The following RPS29 variants were observed in gnomAD, a reference collection of about 807,000 sequenced individuals.
RPS29 encodes the protein ribosomal protein S29.
For missense variants in RPS29, 60 were observed against 75.7 expected (o/e 0.79, Z 0.77); for synonymous variants, 37 against 26.9 (o/e 1.37, Z -1.16).
exon 3 of RPS29, chr14:49,574,720 T>A (rs1490861539): frequency 6.6e-6 from 1 of 152,254 alleles, no homozygotes; most frequent in Non-Finnish European, 1.5e-5. Flanking sequence ...ATCAAGGTTT[T>A]ACAATAAACC....
At chr14:49,583,459 T>TCC, downstream of RPS29, 3 of 443,316 alleles carry the variant, frequency 6.8e-6, no homozygotes. Flanking sequence ...TGAGCCGAGA[T>TCC]CGCGCCACTG....
At chr14:49,576,581 C>T (rs574566247) in exon 3 of RPS29, 1 of 152,176 alleles carries the variant, frequency 6.6e-6, no homozygotes, top group South Asian at 2.1e-4. Context: ...TGCAAGCAGG[C>T]TGCTTTAAAA....
intron 2 of RPS29, among the ~76,000 whole-genome samples, chr14:49,578,559 C>CATTTTTTTTTTTT (rs747208657): frequency 1.9e-5 from 2 of 103,464 alleles, no homozygotes; most frequent in African/African-American, 3.8e-5. Flanking sequence ...AAAGCTTTCA[C>CATTTTTTTTTTTT]TTTTTTTTTT....
At chr14:49,588,815 C>T (rs886237990), upstream of RPS29, among the ~76,000 whole-genome samples, 5 of 151,242 alleles carry the variant, frequency 3.3e-5, no homozygotes, top group Non-Finnish European at 7.4e-5. Context: ...AGGAGTGAGC[C>T]ACCACGCCCG....
At chr14:49,590,290 A>G (rs547141411), upstream of RPS29, among the ~76,000 whole-genome samples, 1 of 151,938 alleles carries the variant, frequency 6.6e-6, no homozygotes, top group African/African-American at 2.4e-5. Flanking sequence ...AACCTGGCCA[A>G]TATGGTGAAA....
downstream of RPS29, among the ~76,000 whole-genome samples, chr14:49,578,940 C>A (rs1881263322): frequency 6.6e-6 from 1 of 152,178 alleles, no homozygotes; most frequent in Admixed American, 6.5e-5. Context: ...ATCTCTCTTA[C>A]TAGCTATACA....
downstream of RPS29, among the ~76,000 whole-genome samples, chr14:49,579,431 G>T (rs138883495): frequency 8.3e-3 from 1,259 of 152,318 alleles, 16 homozygotes; most frequent in African/African-American, 0.029. Flanking sequence ...TGCCAGAGTG[G>T]TGGCTCACAC....
downstream of RPS29, among the ~76,000 whole-genome samples, chr14:49,581,343 T>C (rs902728245): frequency 1.3e-5 from 2 of 152,212 alleles, no homozygotes; most frequent in South Asian, 2.1e-4. Flanking sequence ...CACAATACAG[T>C]TGATCACTCA....
chr14:49,591,258 C>T (rs866974282), upstream of RPS29, among the ~76,000 whole-genome samples: 3 of 151,600 alleles, frequency 2.0e-5, no homozygotes, highest in African/African-American at 7.3e-5. Flanking sequence ...CCTGTCCAAA[C>T]CAACAAGTTA....
exon 3 of RPS29, chr14:49,571,150 CTTTATT>C (rs1438059097): frequency 2.6e-5 from 4 of 152,122 alleles, no homozygotes; most frequent in South Asian, 2.1e-4. Context: ...TGCACTGTAA[CTTTATT>C]TTTAAGAGTA....
At chr14:49,579,908 A>C (rs1474501098), downstream of RPS29, among the ~76,000 whole-genome samples, 1 of 152,196 alleles carries the variant, frequency 6.6e-6, no homozygotes, top group East Asian at 1.9e-4. Context: ...TGGGGAAATT[A>C]CTTAATCTCT....
At chr14:49,584,240 G>A (rs1447635873) in intron 2 of RPS29, among the ~76,000 whole-genome samples, 3 of 152,242 alleles carry the variant, frequency 2.0e-5, no homozygotes, top group Non-Finnish European at 2.9e-5. Flanking sequence ...GCCTCCCAAA[G>A]TGCTGGGATT....
chr14:49,580,602 T>C (rs1421808279), downstream of RPS29, among the ~76,000 whole-genome samples: 3 of 152,258 alleles, frequency 2.0e-5, no homozygotes, highest in Admixed American at 1.3e-4. Context: ...CCAGGAGCGA[T>C]GGCTCATGCC....
At chr14:49,592,702 A>G (rs1009605844) in intron 1 of RPS29, among the ~76,000 whole-genome samples, 2 of 149,194 alleles carry the variant, frequency 1.3e-5, no homozygotes, top group African/African-American at 4.9e-5. Flanking sequence ...TGAGGTCAGG[A>G]GTTCGAGACC....
intron 2 of RPS29, chr14:49,577,973 T>C (rs922671528): frequency 1.5e-5 from 10 of 686,412 alleles, no homozygotes; most frequent in Non-Finnish European, 2.3e-5. Context: ...AGGATCTAGA[T>C]TGAGTGGAAT....
chr14:49,597,189 C>G (rs1254324885), intron 1 of RPS29, among the ~76,000 whole-genome samples: 1 of 152,188 alleles, frequency 6.6e-6, no homozygotes, highest in Non-Finnish European at 1.5e-5. Context: ...GCTGGGATTA[C>G]AGTCGTGAGC....
downstream of RPS29, among the ~76,000 whole-genome samples, chr14:49,579,734 A>C (rs1376586538): frequency 6.6e-6 from 1 of 152,134 alleles, no homozygotes; most frequent in East Asian, 1.9e-4. Context: ...GTAAATATGA[A>C]AGGAAACACT....
intron 1 of RPS29, among the ~76,000 whole-genome samples, chr14:49,595,952 G>GC (rs1881812517): frequency 6.7e-6 from 1 of 150,116 alleles, no homozygotes; most frequent in South Asian, 2.1e-4. Context: ...GGCTGAGGTT[G>GC]CAGTGAGGCG....
At position 49,596,946 on chromosome 14, in the gene RPS29, G is replaced by A. The variant is rs183953209; in HGVS notation, c.-133+1454C>T. Among the ~76,000 whole-genome samples the A allele has an allele frequency of 2.4e-3, 325 of 135,104 alleles. 9 individuals carry two copies. Among genetic ancestry groups the A allele is most frequent in the Non-Finnish European group, 1.0e-3 (67 of 65,190 alleles). The allele number at this position is 135,104 out of a possible 152,430, so 88.6% of individuals were successfully genotyped here. A position where few individuals can be genotyped will look rare whatever the true frequency, so the allele number is the denominator to read the frequency against. ...TTTTTTTTTTTTTTTTGAGAGTCTC[G>A]CTCTGTCGCCCAGGCTGGAGTGCAG... On this transcript the variant is annotated intron_variant, in intron 1 of 3. Transcript: ENST00000556230.
Sources: gnomAD v4.1 joint callset for allele counts (sites outside exome capture counted in the v4.1 genomes callset) on GRCh38, gnomAD v4.1.1 for gene constraint, MANE v1.5 for transcripts, NCBI Gene and HGNC (gene_info 2026-07-23, HGNC 2026-07-21) for gene names.